Variants in F8 observed in about 807,000 individuals in gnomAD.
F8 encodes coagulation factor VIII.
Under a neutral mutation model 140.6 loss-of-function variants are expected in F8, and 12 were observed. The ratio of observed to expected loss-of-function variants is 0.09; its 90% CI spans 0.05 to 0.14. The LOEUF is 0.14. Among genes scored for constraint, F8 ranks in the 10% least tolerant of loss-of-function variants. F8 has a pLI of 1.00. For synonymous variants in F8, 585 were observed against 614.6 expected, an observed-to-expected ratio of 0.95 and a Z score of 0.71; for missense variants, 1,354 against 1,720.7, an observed-to-expected ratio of 0.79 and a Z score of 3.77.
chrX:154,923,887 A>T (rs1557277761), intron 14 of F8, among the ~76,000 whole-genome samples: 4 of 111,474 alleles, frequency 3.6e-5, no homozygotes, highest in Admixed American at 1.9e-4. Context: ...CAGGAGAATC[A>T]CTTGAACCCG....
chrX:154,967,569 G>A (rs1557282151), intron 7 of F8, among the ~76,000 whole-genome samples: 1 of 111,722 alleles, frequency 9.0e-6, no homozygotes. Context: ...AGTCTGCATC[G>A]AAAAACAAAG....
chrX:154,918,171 T>C (rs1246384805), intron 14 of F8, among the ~76,000 whole-genome samples: 1 of 111,656 alleles, frequency 9.0e-6, no homozygotes, highest in East Asian at 2.8e-4. Flanking sequence ...CTGCAGCTCT[T>C]GCAACGGCTT....
chrX:154,939,477 C>T (rs781803723), intron 13 of F8, among the ~76,000 whole-genome samples: 32 of 112,466 alleles, frequency 2.8e-4, no homozygotes, highest in Non-Finnish European at 4.5e-4. Flanking sequence ...GATGGGTGCC[C>T]GCCATTGCTC....
At chrX:154,869,049 C>G (rs1199021683) in intron 22 of F8, among the ~76,000 whole-genome samples, 1 of 111,586 alleles carries the variant, frequency 9.0e-6, no homozygotes, top group African/African-American at 3.3e-5. Context: ...ATTCATAAAG[C>G]AAGTTCTTAG....
intron 3 of F8, among the ~76,000 whole-genome samples, chrX:154,995,091 G>T (rs1557284983): frequency 8.9e-6 from 1 of 112,229 alleles, no homozygotes; most frequent in African/African-American, 3.2e-5. Context: ...ATTAAGCAAA[G>T]ATGACAAAAT....
At chrX:154,979,819 T>A (rs1298987312) in intron 6 of F8, among the ~76,000 whole-genome samples, 5 of 111,843 alleles carry the variant, frequency 4.5e-5, no homozygotes, top group Non-Finnish European at 7.5e-5. Flanking sequence ...GTGCTGCAGC[T>A]GCTTGGGAGA....
chrX:155,022,399 C>G lies in F8; in HGVS notation c.143+11G>C. 1.7e-6 allele frequency: 2 copies of G among 1,208,574 alleles called. No individual in the cohort carries two copies. Among genetic ancestry groups the G allele is most frequent in the Non-Finnish European group, 2.2e-6 (2 of 893,661 alleles). On this transcript the variant is annotated intron_variant, in intron 1 of 25. Transcript: ENST00000360256. ...CTGGCCCCGATCAGACCCTACAGGA[C>G]ATGCCTTTACCTTGCGTCCACAGGC...
chrX:154,962,979 C>T (rs966575710), intron 9 of F8, among the ~76,000 whole-genome samples: 2 of 110,859 alleles, frequency 1.8e-5, no homozygotes, highest in African/African-American at 6.6e-5. Context: ...TCAATCCCAC[C>T]TCCAGATCTG....
Position 155,022,398 on chromosome X carries a change from A to G in F8, c.143+12T>C. 1 of 1,209,283 alleles carries G rather than the reference A, an allele frequency of 8.3e-7. No individual in the cohort carries two copies. Among genetic ancestry groups the G allele is most frequent in the South Asian group, 1.8e-5 (1 of 56,896 alleles). ...CCTGGCCCCGATCAGACCCTACAGGACATGCCTTTACCTTGCGTCCACAGG... is the reference window on the plus strand; with the variant it reads ...CCTGGCCCCGATCAGACCCTACAGGGCATGCCTTTACCTTGCGTCCACAGG... On this transcript the variant is annotated intron_variant, in intron 1 of 25. Coordinates refer to ENST00000360256, the MANE Select transcript of F8 (RefSeq NM_000132.4).
chrX:154,866,967 A>G (rs782202793), intron 22 of F8, among the ~76,000 whole-genome samples: 175 of 111,957 alleles, frequency 1.6e-3, no homozygotes, highest in African/African-American at 5.4e-3. Flanking sequence ...CTAGACTACG[A>G]AAAAAAGAGA....
intron 22 of F8, among the ~76,000 whole-genome samples, chrX:154,869,704 C>T (rs781869769): frequency 1.8e-5 from 2 of 111,329 alleles, no homozygotes; most frequent in Non-Finnish European, 3.8e-5. Flanking sequence ...CAGAGCAGAA[C>T]TGAAGGAGAT....
intron 24 of F8, 66 bp downstream of exon 24, chrX:154,861,652 C>G (rs1603431503): frequency 8.7e-7 from 1 of 1,147,195 alleles, no homozygotes; most frequent in East Asian, 3.0e-5. Context: ...ACAGTCAAGG[C>G]CTTCCCCGAT....
intron 1 of F8, among the ~76,000 whole-genome samples, chrX:155,010,527 G>A (rs1368040243): frequency 6.3e-5 from 7 of 110,897 alleles, no homozygotes; most frequent in Non-Finnish European, 1.1e-4. Context: ...AAGTATAAAA[G>A]GGTTTCATTA....
intron 22 of F8, among the ~76,000 whole-genome samples, chrX:154,891,935 C>A (rs1557275205): frequency 8.9e-6 from 1 of 111,733 alleles, no homozygotes; most frequent in Non-Finnish European, 1.9e-5. Context: ...TCAGTTATAG[C>A]CACTGAAAGG....
At chrX:154,902,262 C>A (rs914031215) in intron 18 of F8, 95 bp from the exon 19 acceptor site, 3 of 665,300 alleles carry the variant, frequency 4.5e-6, no homozygotes, top group South Asian at 2.2e-5. Context: ...GTAGACCTAC[C>A]AAATTTGGTA....
chrX:155,019,933 G>C (rs1228591366), intron 1 of F8, among the ~76,000 whole-genome samples: 1 of 111,927 alleles, frequency 8.9e-6, no homozygotes, highest in African/African-American at 3.2e-5. Flanking sequence ...AATGTAATAA[G>C]AAAAATATTT....
chrX:154,928,283 G>A (rs892103119), intron 14 of F8, among the ~76,000 whole-genome samples: 6 of 111,812 alleles, frequency 5.4e-5, no homozygotes, highest in Middle Eastern at 4.6e-3. Context: ...TCTTTAACAC[G>A]AACTTGCTTC....
chrX:155,022,290 G>A, intron 1 of F8, 120 bp downstream of exon 1: 1 of 749,965 alleles, frequency 1.3e-6, no homozygotes, highest in Non-Finnish European at 2.1e-6. Flanking sequence ...ACCCAGAAAT[G>A]TTTCTTTGGG....
intron 14 of F8, among the ~76,000 whole-genome samples, chrX:154,907,092 C>A (rs2055924233): frequency 8.9e-6 from 1 of 112,191 alleles, no homozygotes; most frequent in Non-Finnish European, 1.9e-5. Flanking sequence ...TACTTTCTCC[C>A]TTCCCACTGA....
Sources: gnomAD v4.1 joint callset for allele counts (sites outside exome capture counted in the v4.1 genomes callset) on GRCh38, gnomAD v4.1.1 for gene constraint, MANE v1.5 for transcripts, NCBI Gene and HGNC (gene_info 2026-07-23, HGNC 2026-07-21) for gene names.